Variants in GARRE1 observed in about 807,000 individuals in gnomAD.
GARRE1 encodes granule associated Rac and RHOG effector 1.
A neutral mutation model predicts 103.2 loss-of-function variants in GARRE1; 49 were observed. The observed-to-expected ratio is 0.47, with a 90% CI of 0.38 to 0.60. The LOEUF (loss-of-function observed/expected upper bound fraction) is 0.60, where lower values mean the gene tolerates loss of function less well. GARRE1 is among the 20% of genes least tolerant of loss of function. The pLI, the probability that GARRE1 is intolerant of heterozygous loss-of-function variation, is 0.00. For synonymous variants in GARRE1, 505 were observed against 532.8 expected (o/e 0.95, Z 0.72); for missense variants, 1,199 against 1,370.5 (o/e 0.87, Z 1.98).
At chr19:34,264,487 C>CT (rs1387082135) in intron 1 of GARRE1, among the ~76,000 whole-genome samples, 9 of 152,152 alleles carry the variant, frequency 5.9e-5, no homozygotes, top group Non-Finnish European at 1.3e-4. Flanking sequence ...CAAGCTCTGC[C>CT]TCCCCGGTTC....
At position 34,351,505 on chromosome 19, in the gene GARRE1, T is replaced by C; in HGVS notation, c.2826-9T>C. 6.2e-7 allele frequency: 1 copy of C among 1,612,314 alleles called. No individual in the cohort carries two copies. Among genetic ancestry groups the C allele is most frequent in the Non-Finnish European group, 8.5e-7 (1 of 1,178,490 alleles). ...AGCAATCACTGCCCTGAGCTCTTGG[T>C]TCTTGCAGGAAACACAGCAGTGGAG... On this transcript the variant is annotated splice_polypyrimidine_tract_variant and intron_variant, in intron 12 of 13. Transcript: ENST00000299505.
At chr19:34,279,308 G>T (rs918187012) in intron 1 of GARRE1, among the ~76,000 whole-genome samples, 5 of 152,002 alleles carry the variant, frequency 3.3e-5, no homozygotes, top group Non-Finnish European at 7.4e-5. Flanking sequence ...TTTTTGTTTT[G>T]TTTTGTTTTT....
intron 10 of GARRE1, among the ~76,000 whole-genome samples, chr19:34,346,760 G>A (rs2074213138): frequency 6.6e-6 from 1 of 152,062 alleles, no homozygotes; most frequent in Non-Finnish European, 1.5e-5. Flanking sequence ...TGGATTACAG[G>A]TGCCTGCCAC....
At chr19:34,294,460 C>T (rs1005679677) in intron 1 of GARRE1, among the ~76,000 whole-genome samples, 7 of 151,550 alleles carry the variant, frequency 4.6e-5, no homozygotes, top group African/African-American at 7.3e-5. Flanking sequence ...AATAAAAAAT[C>T]GTTGCTATCT....
chr19:34,328,703 G>A (rs2074124243), intron 6 of GARRE1, among the ~76,000 whole-genome samples: 1 of 151,842 alleles, frequency 6.6e-6, no homozygotes. Flanking sequence ...CACCTCCTGG[G>A]TTCAAGCAAT....
chr19:34,340,090 A>G (rs1241197551), intron 9 of GARRE1, 98 bp downstream of exon 9: 1 of 1,306,724 alleles, frequency 7.7e-7, no homozygotes, highest in African/African-American at 1.5e-5. Context: ...ACGGTATTGT[A>G]AAGAAGGCAG....
intron 7 of GARRE1, among the ~76,000 whole-genome samples, chr19:34,333,485 A>C (rs548602981): frequency 6.6e-6 from 1 of 152,204 alleles, no homozygotes; most frequent in Non-Finnish European, 1.5e-5. Context: ...ATTTAATTCC[A>C]TGCCCAGAAT....
At chr19:34,287,936 G>A (rs975480325) in intron 1 of GARRE1, among the ~76,000 whole-genome samples, 5 of 152,142 alleles carry the variant, frequency 3.3e-5, no homozygotes, top group African/African-American at 4.8e-5. Flanking sequence ...CATTCAGTCC[G>A]TAACACAGGT....
At chr19:34,312,255 G>T (rs554164736) in intron 2 of GARRE1, among the ~76,000 whole-genome samples, 11 of 152,180 alleles carry the variant, frequency 7.2e-5, no homozygotes, top group Non-Finnish European at 1.5e-5. Flanking sequence ...GGTAGCAGAC[G>T]TGACTAGAAG....
chr19:34,327,605 A>G lies in GARRE1; in HGVS notation c.846+44A>G, dbSNP rs112937795. On this transcript the variant is annotated intron_variant, in intron 4 of 13. Transcript: ENST00000299505. Reference sequence around the variant, plus strand: ...ACATACTGATTTCCACGGGATAGAAACAAGGGAGGGAGTTAAAGTTGTGAT... The same window carrying G: ...ACATACTGATTTCCACGGGATAGAAGCAAGGGAGGGAGTTAAAGTTGTGAT... 2,847 of 1,603,856 alleles carry G rather than the reference A, an allele frequency of 1.8e-3. 26 individuals are homozygous for G. In the African/African-American group the frequency reaches 0.028, roughly 16 times the overall value.
chr19:34,347,739 CCCACGCTGT>C, intron 10 of GARRE1, 129 bp from the exon 11 acceptor site: 1 of 793,310 alleles, frequency 1.3e-6, no homozygotes, highest in African/African-American at 1.8e-5. Flanking sequence ...CAGCCTACAG[CCCACGCTGT>C]GGGGCACAAG....
chr19:34,348,903 G>T, intron 11 of GARRE1, 113 bp from the exon 12 acceptor site: 1 of 1,218,162 alleles, frequency 8.2e-7, no homozygotes, highest in Admixed American at 2.1e-5. Context: ...AGAGACAAGA[G>T]ACCACTATTT....
intron 2 of GARRE1, among the ~76,000 whole-genome samples, chr19:34,306,696 C>T (rs1262946564): frequency 6.6e-6 from 1 of 152,098 alleles, no homozygotes; most frequent in Non-Finnish European, 1.5e-5. Context: ...AGTCAGAAGA[C>T]CTGGGTTTGG....
intron 1 of GARRE1, among the ~76,000 whole-genome samples, chr19:34,288,935 C>T (rs540247992): frequency 1.3e-5 from 2 of 151,782 alleles, no homozygotes; most frequent in African/African-American, 4.8e-5. Context: ...AGTTCGAGAC[C>T]AGCCTAGCCA....
chr19:34,284,834 G>A (rs911914440), intron 1 of GARRE1, among the ~76,000 whole-genome samples: 3 of 152,182 alleles, frequency 2.0e-5, no homozygotes, highest in Non-Finnish European at 4.4e-5. Context: ...ATAAATATGA[G>A]GGTGGAGAAG....
chr19:34,277,628 C>T (rs969525800), intron 1 of GARRE1, among the ~76,000 whole-genome samples: 2 of 152,010 alleles, frequency 1.3e-5, no homozygotes, highest in Non-Finnish European at 2.9e-5. Context: ...TGTTTAGTTC[C>T]CCACTTTAAT....
chr19:34,254,964 G>GGCCCGGGAGGTCGCGCTGGC (rs1364851777), intron 1 of GARRE1, among the ~76,000 whole-genome samples: 2 of 151,678 alleles, frequency 1.3e-5, no homozygotes, highest in African/African-American at 4.8e-5. Context: ...GGTTCGCCGG[G>GGCCCGGGAGGTCGCGCTGGC]GCCCGGGAGG....
chr19:34,347,167 C>T (rs539884964), intron 10 of GARRE1, among the ~76,000 whole-genome samples: 7 of 151,930 alleles, frequency 4.6e-5, no homozygotes, highest in East Asian at 1.9e-4. Flanking sequence ...CAGCTCACTG[C>T]GACCTCTGCC....
At chr19:34,321,835 A>C (rs1367808091) in intron 3 of GARRE1, among the ~76,000 whole-genome samples, 1 of 152,222 alleles carries the variant, frequency 6.6e-6, no homozygotes, top group Non-Finnish European at 1.5e-5. Flanking sequence ...AGATATGTTT[A>C]TAAAATCTAG....
Sources: allele counts gnomAD v4.1 joint callset (sites outside exome capture counted in the v4.1 genomes callset), GRCh38; gene constraint gnomAD v4.1.1; transcripts MANE v1.5; gene names NCBI Gene and HGNC (gene_info 2026-07-23, HGNC 2026-07-21).